Variants in ATXN10 observed in about 807,000 individuals in gnomAD.
ATXN10 encodes ataxin 10, also known as ataxin-10.
In ATXN10, 28 loss-of-function variants were observed where a neutral mutation model predicts 52.9. The ratio of observed to expected loss-of-function variants is 0.53; its 90% CI spans 0.39 to 0.73. ATXN10 has a LOEUF of 0.73. Ranked by LOEUF, ATXN10 falls within the 30% of genes least tolerant of loss-of-function variation. The pLI, the probability that ATXN10 is intolerant of heterozygous loss-of-function variation, is 0.00. For synonymous variants in ATXN10, 226 were observed against 221.5 expected, an observed-to-expected ratio of 1.02 and a Z score of -0.18; for missense variants, 565 against 577.0, an observed-to-expected ratio of 0.98 and a Z score of 0.21.
intron 9 of ATXN10, among the ~76,000 whole-genome samples, chr22:45,777,502 T>C (rs1927001090): frequency 6.6e-6 from 1 of 152,240 alleles, no homozygotes; most frequent in Admixed American, 6.5e-5. Flanking sequence ...TCCTTTATTG[T>C]CCTGTCTGAT....
chr22:45,801,546 T>G (rs1927931665), intron 9 of ATXN10, among the ~76,000 whole-genome samples: 1 of 152,234 alleles, frequency 6.6e-6, no homozygotes, highest in Non-Finnish European at 1.5e-5. Context: ...GACTTAGAAT[T>G]GCTGTGTAAG....
In ATXN10 at chr22:45,769,280, G is replaced by A. The variant is rs573871817; in HGVS notation, c.1173+28742G>A. ...AGAGTAACGTGTGCAGATGGGCGCC[G>A]TTCATCCCCTCTCCCCCATACAGAC... On this transcript the variant is annotated intron_variant, in intron 9 of 11. Coordinates refer to ENST00000252934, the MANE Select transcript of ATXN10 (RefSeq NM_013236.4). The surrounding 1 kb of genome is among the most constrained non-coding windows in gnomAD (Gnocchi z 4.2). Among the ~76,000 whole-genome samples the A allele has an allele frequency of 7.9e-5, 12 of 152,208 alleles. No individual in the cohort carries two copies. In the East Asian group the frequency reaches 1.7e-3, roughly 22 times the overall value.
intron 2 of ATXN10, among the ~76,000 whole-genome samples, chr22:45,691,052 GAGGGT>G (rs1923354196): frequency 6.6e-6 from 1 of 152,204 alleles, no homozygotes; most frequent in Non-Finnish European, 1.5e-5. Context: ...TCAAAGGAGA[GAGGGT>G]AAAAAGTGAG....
intron 8 of ATXN10, among the ~76,000 whole-genome samples, chr22:45,739,732 C>T (rs1324626054): frequency 1.3e-5 from 2 of 152,146 alleles, no homozygotes; most frequent in Non-Finnish European, 2.9e-5. Flanking sequence ...GTGATACCTT[C>T]CTGTATAGGT....
chr22:45,741,491 AAGAT>A (rs1219710969), intron 9 of ATXN10, among the ~76,000 whole-genome samples: 1 of 152,150 alleles, frequency 6.6e-6, no homozygotes, highest in African/African-American at 2.4e-5. Flanking sequence ...CCTGGAAGAT[AAGAT>A]ACAATGAGGA....
intron 10 of ATXN10, among the ~76,000 whole-genome samples, chr22:45,808,221 GAAAGAAA>G (rs1371893352): frequency 6.6e-6 from 1 of 152,030 alleles, no homozygotes; most frequent in East Asian, 1.9e-4. Flanking sequence ...CCCCAAAAAG[GAAAGAAA>G]AAAGAAGAAA....
chr22:45,748,272 G>A (rs1302329518), intron 9 of ATXN10, among the ~76,000 whole-genome samples: 3 of 151,882 alleles, frequency 2.0e-5, no homozygotes, highest in Non-Finnish European at 4.4e-5. Context: ...AGTCCCTTTG[G>A]AATTGAAAAG....
intron 1 of ATXN10, among the ~76,000 whole-genome samples, chr22:45,687,614 C>T (rs941683982): frequency 1.3e-5 from 2 of 152,190 alleles, no homozygotes; most frequent in African/African-American, 4.8e-5. Context: ...AAACTTCATG[C>T]AGATGGGGCA....
In ATXN10 at chr22:45,816,854, T is replaced by C. The variant is rs1980159106; in HGVS notation, c.1237+9832T>C. On this transcript the variant is annotated intron_variant, in intron 10 of 11. Transcript: ENST00000252934. The surrounding 1 kb of genome is among the most constrained non-coding windows in gnomAD (Gnocchi z 5.8). ...CACATCTTTGGGAATGCAGGAATCT[T>C]AGAATAAATGTAGGAACATGTTCTG... is the stretch of plus-strand genomic sequence containing the variant. 6.6e-6 allele frequency among the ~76,000 whole-genome samples: 1 copy of C among 152,170 alleles called. No individual in the cohort carries two copies. The highest frequency in any genetic ancestry group is 2.4e-5 in the African/African-American group (1 of 41,432).
rs1395248898 is a variant in ATXN10 at position 45,825,118 on chromosome 22, G to A, written c.1238-17873G>A. Among the ~76,000 whole-genome samples, 2 of 152,224 alleles carry A rather than the reference G, an allele frequency of 1.3e-5. No homozygotes were observed. The highest frequency in any genetic ancestry group is 2.9e-5 in the Non-Finnish European group (2 of 68,034). ...CTTGCAAGCAGCTTGTGGGAGCCAGGTAGGGTGGGCCAAAAAGACCCTGAC... is the reference window on the plus strand; with the variant it reads ...CTTGCAAGCAGCTTGTGGGAGCCAGATAGGGTGGGCCAAAAAGACCCTGAC... On this transcript the variant is annotated intron_variant, in intron 10 of 11. Coordinates refer to ENST00000252934, the MANE Select transcript of ATXN10 (RefSeq NM_013236.4). This position sits in a 1 kb window ranked among gnomAD's most constrained non-coding sequence, Gnocchi z 4.5.
rs6007171 is a variant in ATXN10 at position 45,840,148 on chromosome 22, A to G, written c.1238-2843A>G. On this transcript the variant is annotated intron_variant, in intron 10 of 11. Coordinates refer to ENST00000252934, the MANE Select transcript of ATXN10 (RefSeq NM_013236.4). This position sits in a 1 kb window ranked among gnomAD's most constrained non-coding sequence, Gnocchi z 5.8. The stretch of plus-strand genomic sequence containing the variant: ...CCCAGCTATTCGGGAGGCTGAGGCA[A>G]GAGGATCACTTGAGCCTAGGCTTTC... 0.013 allele frequency among the ~76,000 whole-genome samples: 1,933 copies of G among 152,302 alleles called. 32 individuals carry two copies. Among genetic ancestry groups the G allele is most frequent in the African/African-American group, 0.045 (1,852 of 41,554 alleles).
intron 5 of ATXN10, among the ~76,000 whole-genome samples, chr22:45,706,657 A>G (rs961250847): frequency 1.4e-4 from 4 of 28,634 alleles, no homozygotes; most frequent in East Asian, 2.6e-3. Context: ...TTTGTGACCT[A>G]TTGGTTATTT....
At chr22:45,741,041 T>A (rs544504721) in intron 9 of ATXN10, among the ~76,000 whole-genome samples, 1 of 152,154 alleles carries the variant, frequency 6.6e-6, no homozygotes, top group East Asian at 1.9e-4. Context: ...GGTAGTTATA[T>A]TGAGAATGTG....
rs555955259 is a variant in ATXN10 at position 45,770,291 on chromosome 22, G to A, written c.1173+29753G>A. On this transcript the variant is annotated intron_variant, in intron 9 of 11. Transcript: ENST00000252934. This position sits in a 1 kb window ranked among gnomAD's most constrained non-coding sequence, Gnocchi z 4.5. ...GGGTTGCATCCCAATAACGAGATAC[G>A]AAATGAATTCTTTGGTCATAGTGAG... Among the ~76,000 whole-genome samples the A allele has an allele frequency of 4.9e-4, 74 of 152,234 alleles. No homozygotes were observed. The highest frequency in any genetic ancestry group is 1.4e-3 in the Admixed American group (22 of 15,302).
intron 10 of ATXN10, among the ~76,000 whole-genome samples, chr22:45,815,280 G>A (rs1040164004): frequency 6.6e-6 from 1 of 152,172 alleles, no homozygotes; most frequent in African/African-American, 2.4e-5. Context: ...TTCAGGAACA[G>A]GCAGGATTCA....
intron 5 of ATXN10, among the ~76,000 whole-genome samples, chr22:45,711,389 G>T (rs1365464758): frequency 6.6e-6 from 1 of 152,152 alleles, no homozygotes; most frequent in East Asian, 1.9e-4. Flanking sequence ...TGGAGTTATA[G>T]GCGGGTGAAC....
chr22:45,687,247 C>T (rs558103173), intron 1 of ATXN10, among the ~76,000 whole-genome samples: 25 of 152,256 alleles, frequency 1.6e-4, no homozygotes, highest in African/African-American at 4.8e-4. Context: ...ATTCTATGGT[C>T]GGGAAATCAT....
At position 45,688,048 on chromosome 22, in the gene ATXN10, A is replaced by G. The variant is rs966170716; in HGVS notation, c.117-1664A>G. Among the ~76,000 whole-genome samples the G allele has an allele frequency of 2.6e-5, 4 of 152,038 alleles. No homozygotes were observed. The highest frequency in any genetic ancestry group is 9.7e-5 in the African/African-American group (4 of 41,370). On this transcript the variant is annotated intron_variant, in intron 1 of 11. Coordinates refer to ENST00000252934, the MANE Select transcript of ATXN10 (RefSeq NM_013236.4). The surrounding 1 kb of genome is among the most constrained non-coding windows in gnomAD (Gnocchi z 4.0). The stretch of plus-strand genomic sequence containing the variant: ...ACTCCAGCCTGGGCGACAGAGCAAA[A>G]CTCCGTCTCAAAAAAAAGAGTGTTA...
intron 9 of ATXN10, among the ~76,000 whole-genome samples, chr22:45,756,317 A>G (rs1471861692): frequency 6.6e-6 from 1 of 152,006 alleles, no homozygotes; most frequent in East Asian, 1.9e-4. Context: ...GCTAATGTTT[A>G]AATTTTTTGT....
Sources: allele counts gnomAD v4.1 joint callset (sites outside exome capture counted in the v4.1 genomes callset), GRCh38; gene constraint gnomAD v4.1.1; non-coding constraint Gnocchi (gnomAD v3.1); transcripts MANE v1.5; gene names NCBI Gene and HGNC (gene_info 2026-07-23, HGNC 2026-07-21).